The following XRCC4 variants were observed in gnomAD, a reference collection of about 807,000 sequenced individuals.
XRCC4 encodes the protein X-ray repair cross complementing 4.
A neutral mutation model predicts 39.1 loss-of-function variants in XRCC4; 28 were observed. That is an observed-to-expected ratio of 0.72 (90% CI 0.53 to 0.98). The LOEUF (loss-of-function observed/expected upper bound fraction) is 0.98, where lower values mean the gene tolerates loss of function less well. Ranked by LOEUF, XRCC4 falls within the 50% of genes least tolerant of loss-of-function variation. XRCC4 has a pLI of 0.00. For synonymous variants in XRCC4, 123 were observed against 126.4 expected (o/e 0.97, Z 0.18); for missense variants, 350 against 376.4 (o/e 0.93, Z 0.58).
rs892789254 is a variant in XRCC4 at position 83,352,343 on chromosome 5, G to T, written c.894-788G>T. On this transcript the variant is annotated intron_variant, in intron 7 of 7. Coordinates refer to ENST00000396027, the MANE Select transcript of XRCC4 (RefSeq NM_003401.5). ...ATAATATTAAGCATACTTTATTAAGGTTCCATAGAGAACCACTGACAAGGT... is the reference window on the plus strand; with the variant it reads ...ATAATATTAAGCATACTTTATTAAGTTTCCATAGAGAACCACTGACAAGGT... 3.3e-5 allele frequency among the ~76,000 whole-genome samples: 5 copies of T among 152,256 alleles called. 1 individual carries two copies. Among genetic ancestry groups the T allele is most frequent in the Admixed American group, 3.3e-4 (5 of 15,296 alleles).
chr5:83,149,439 T>C (rs1748607396), intron 3 of XRCC4, among the ~76,000 whole-genome samples: 1 of 150,562 alleles, frequency 6.6e-6, no homozygotes, highest in Non-Finnish European at 1.5e-5. Flanking sequence ...TGCTATACTT[T>C]AATAGGATAA....
intron 3 of XRCC4, among the ~76,000 whole-genome samples, chr5:83,128,344 G>A (rs1277086999): frequency 6.6e-6 from 1 of 152,120 alleles, no homozygotes; most frequent in Admixed American, 6.6e-5. Context: ...TGGTGTATAT[G>A]TGCCACATTT....
chr5:83,323,868 G>A (rs1364029644), intron 7 of XRCC4, among the ~76,000 whole-genome samples: 1 of 152,026 alleles, frequency 6.6e-6, no homozygotes, highest in African/African-American at 2.4e-5. Flanking sequence ...ATTTACTGTG[G>A]TATAGATCAG....
At chr5:83,126,629 A>T (rs1347411187) in intron 3 of XRCC4, among the ~76,000 whole-genome samples, 5 of 152,166 alleles carry the variant, frequency 3.3e-5, no homozygotes, top group African/African-American at 1.2e-4. Context: ...CCCCTTCTCC[A>T]CTACTGCAAT....
intron 2 of XRCC4, among the ~76,000 whole-genome samples, chr5:83,105,727 ATT>A (rs2112377949): frequency 6.6e-6 from 1 of 152,274 alleles, no homozygotes; most frequent in African/African-American, 2.4e-5. Flanking sequence ...AAAGTATCTT[ATT>A]GAAAGATTTA....
At chr5:83,306,288 C>T (rs540538956) in intron 7 of XRCC4, among the ~76,000 whole-genome samples, 22 of 152,042 alleles carry the variant, frequency 1.4e-4, no homozygotes, top group Non-Finnish European at 2.5e-4. Context: ...TGAGTAGTTA[C>T]GAAAAACCAT....
At chr5:83,291,874 A>G (rs551567448) in intron 7 of XRCC4, among the ~76,000 whole-genome samples, 4 of 151,624 alleles carry the variant, frequency 2.6e-5, no homozygotes, top group Non-Finnish European at 4.4e-5. Context: ...GTTCAGATGG[A>G]TGGATGGATG....
chr5:83,092,152 TA>T (rs1745458860), intron 1 of XRCC4, among the ~76,000 whole-genome samples: 1 of 152,198 alleles, frequency 6.6e-6, no homozygotes, highest in South Asian at 2.1e-4. Flanking sequence ...TATTCAGATG[TA>T]TTCTTTTGAC....
chr5:83,102,096 A>T (rs1173767682), intron 1 of XRCC4, among the ~76,000 whole-genome samples: 1 of 152,112 alleles, frequency 6.6e-6, no homozygotes, highest in Admixed American at 6.6e-5. Context: ...ACTGAATGTG[A>T]TATTTCCTTG....
At position 83,258,730 on chromosome 5, in the gene XRCC4, G is replaced by A. The variant is rs528581263; in HGVS notation, c.893+53G>A. On this transcript the variant is annotated intron_variant, in intron 7 of 7. Transcript: ENST00000396027. ...GTGAGATGACATTTTTGAAAATCTA[G>A]CATATGATCTTAAAAATTATGTTTT... is the stretch of plus-strand genomic sequence containing the variant. 2.1e-5 allele frequency: 33 copies of A among 1,547,350 alleles called. No homozygotes were observed. The Middle Eastern group carries it at 5.2e-4, about 24-fold the overall frequency.
At chr5:83,193,476 C>T (rs1750801864) in intron 3 of XRCC4, among the ~76,000 whole-genome samples, 2 of 152,080 alleles carry the variant, frequency 1.3e-5, no homozygotes, top group South Asian at 4.1e-4. Flanking sequence ...GTTTATTTTA[C>T]ACTGATTAGC....
intron 6 of XRCC4, among the ~76,000 whole-genome samples, chr5:83,238,953 G>T (rs962513060): frequency 3.3e-5 from 5 of 152,162 alleles, no homozygotes; most frequent in African/African-American, 1.2e-4. Flanking sequence ...AAGTAGGCTG[G>T]TATCTCTTTA....
chr5:83,166,904 C>T lies in XRCC4; in HGVS notation c.316-28866C>T, dbSNP rs551903350. On this transcript the variant is annotated intron_variant, in intron 3 of 7. Coordinates refer to ENST00000396027, the MANE Select transcript of XRCC4 (RefSeq NM_003401.5). ...TGGGTTTTTTGTTTTTTTTTTGAGA[C>T]GGAGTCTCACTCTGTCACCCAGACT... 1.0e-3 allele frequency among the ~76,000 whole-genome samples: 157 copies of T among 150,516 alleles called. 2 individuals carry two copies. The highest frequency in any genetic ancestry group is 1.8e-3 in the Non-Finnish European group (121 of 67,612).
intron 7 of XRCC4, among the ~76,000 whole-genome samples, chr5:83,264,508 CTTTAT>C (rs368143402): frequency 2.0e-5 from 3 of 152,110 alleles, no homozygotes; most frequent in East Asian, 1.9e-4. Context: ...ATAAAATGAA[CTTTAT>C]TTTATTTGTT....
intron 6 of XRCC4, among the ~76,000 whole-genome samples, chr5:83,251,537 A>C (rs1456255002): frequency 7.2e-6 from 1 of 138,276 alleles, no homozygotes; most frequent in African/African-American, 3.5e-5. Context: ...AAAAAAAAAA[A>C]AAAAAAAAAA....
intron 6 of XRCC4, among the ~76,000 whole-genome samples, chr5:83,240,345 A>G (rs1386666528): frequency 6.6e-6 from 1 of 152,190 alleles, no homozygotes; most frequent in Non-Finnish European, 1.5e-5. Flanking sequence ...TGGAGTGTGG[A>G]GGATGTCTAG....
At chr5:83,286,745 G>A (rs997012608) in intron 7 of XRCC4, among the ~76,000 whole-genome samples, 2 of 152,062 alleles carry the variant, frequency 1.3e-5, no homozygotes, top group Non-Finnish European at 2.9e-5. Flanking sequence ...CTAATCAGAT[G>A]ACACATAAAA....
chr5:83,258,640 A>G lies in XRCC4; in HGVS notation c.856A>G (p.Met286Val). The G allele has an allele frequency of 6.2e-7, 1 of 1,612,168 alleles. No homozygotes were observed. Among genetic ancestry groups the G allele is most frequent in the South Asian group, 1.1e-5 (1 of 90,808 alleles). ...MQRNLGTEPK[M>V]APQENQLQEK... ...AAGAAATCTTGGGACAGAACCTAAAATGGCTCCTCAGGAGAATCAGCTTCA... is the reference window on the plus strand; with the variant it reads ...AAGAAATCTTGGGACAGAACCTAAAGTGGCTCCTCAGGAGAATCAGCTTCA... The change falls in exon 7 of 8, where the codon ATG becomes GTG. Residue 286 changes from methionine to valine, a missense_variant. Met to Val is a conservative substitution (Grantham distance 21, BLOSUM62 1). Coordinates refer to ENST00000396027, the MANE Select transcript of XRCC4 (RefSeq NM_003401.5).
At chr5:83,256,426 C>T (rs974244609) in intron 6 of XRCC4, among the ~76,000 whole-genome samples, 1 of 151,830 alleles carries the variant, frequency 6.6e-6, no homozygotes, top group African/African-American at 2.4e-5. Flanking sequence ...AAAATTTTGC[C>T]TTGTATTTTA....
Sources: allele counts gnomAD v4.1 joint callset (sites outside exome capture counted in the v4.1 genomes callset), GRCh38; gene constraint gnomAD v4.1.1; transcripts MANE v1.5; gene names NCBI Gene and HGNC (gene_info 2026-07-23, HGNC 2026-07-21).